The following HEXD variants were observed in gnomAD, a reference collection of about 807,000 sequenced individuals.
HEXD encodes the protein N-acetyl-beta-galactosaminidase.
Under a neutral mutation model 54.2 loss-of-function variants are expected in HEXD, and 47 were observed. The observed-to-expected ratio is 0.87, with a 90% confidence interval of 0.69 to 1.11. The LOEUF (loss-of-function observed/expected upper bound fraction) is 1.11, where lower values mean the gene tolerates loss of function less well. Ranked by LOEUF, HEXD falls within the 50% of genes least tolerant of loss-of-function variation. The probability of loss-of-function intolerance (pLI) is 0.00; values close to 1 mark genes in which losing one functional copy is unlikely to be tolerated. For synonymous variants in HEXD, 293 were observed against 287.6 expected (o/e 1.02, Z -0.19); for missense variants, 576 against 649.2 (o/e 0.89, Z 1.23).
intron 5 of HEXD, among the ~76,000 whole-genome samples, chr17:82,435,394 G>T (rs935738270): frequency 2.0e-5 from 3 of 152,236 alleles, no homozygotes; most frequent in South Asian, 2.1e-4. Flanking sequence ...CGTGTTCATG[G>T]TGGGGGATGC....
chr17:82,433,091 AATATATATATATAT>A (rs1555617646), intron 4 of HEXD, among the ~76,000 whole-genome samples: 1 of 13,234 alleles, frequency 7.6e-5, no homozygotes, highest in African/African-American at 6.0e-4. Context: ...AAAAAAAAAA[AATATATATATATAT>A]ATATATATAT....
chr17:82,442,428 G>T lies in HEXD; in HGVS notation c.*44G>T. On this transcript the variant is annotated 3_prime_UTR_variant, in exon 13 of 13. Coordinates refer to ENST00000327949, the MANE Select transcript of HEXD (RefSeq NM_001330542.2). The surrounding 1 kb of genome is among the most constrained non-coding windows in gnomAD (Gnocchi z 6.8). ...GGGGCTCCTGCTGGAGGCTGGGGGG[G>T]CTCTGCACTGCCAAATGGCCTGGGC... is the stretch of plus-strand genomic sequence containing the variant. The T allele has an allele frequency of 6.2e-7, 1 of 1,610,190 alleles. No homozygotes were observed. The highest frequency in any genetic ancestry group is 1.1e-5 in the South Asian group (1 of 91,042).
chr17:82,419,530 T>C (rs4074069), intron 1 of HEXD, among the ~76,000 whole-genome samples: 62,304 of 152,092 alleles, frequency 0.41, 14,730 homozygotes, highest in East Asian at 0.71. Flanking sequence ...ATAAACAAAC[T>C]AGTGCTGTTT....
In HEXD at chr17:82,442,300, A is replaced by C. The variant is rs775126794; in HGVS notation, c.1377A>C (p.Gln459His). 3.7e-6 allele frequency: 6 copies of C among 1,609,326 alleles called. No homozygotes were observed. In the East Asian group the frequency reaches 1.3e-4, roughly 36 times the overall value. The change falls in exon 13 of 13, where the codon CAA (glutamine) becomes CAC (histidine). Residue 459 changes from glutamine (Q) to histidine (H), a missense_variant. Physicochemically the swap from Gln to His is conservative, Grantham distance 24. Transcript: ENST00000327949. This position sits in a 1 kb window ranked among gnomAD's most constrained non-coding sequence, Gnocchi z 6.8. ...TGCACCCCAGCCTGCAGCGGCTGCA[A>C]GCTCTGCTGCAGGACCTCAGCGAGG... ...ENVHPSLQRL[Q>H]ALLQDLSEVS...
chr17:82,421,976 A>C (rs1310907520), intron 2 of HEXD, among the ~76,000 whole-genome samples: 1 of 152,130 alleles, frequency 6.6e-6, no homozygotes, highest in Non-Finnish European at 1.5e-5. Flanking sequence ...GGAGATGAAG[A>C]CCATCCTGGC....
intron 2 of HEXD, chr17:82,420,397 A>G (rs1448805439): frequency 2.0e-5 from 3 of 152,402 alleles, no homozygotes; most frequent in Non-Finnish European, 4.4e-5. Flanking sequence ...ATGACGTGCC[A>G]CGAACCCCAG....
At chr17:82,433,124 ATATATTTTT>A (rs2053651486) in intron 4 of HEXD, among the ~76,000 whole-genome samples, 1 of 16,042 alleles carries the variant, frequency 6.2e-5, no homozygotes, top group African/African-American at 5.2e-4. Context: ...ATATATATAT[ATATATTTTT>A]TTTTTTTTTT....
chr17:82,432,602 G>A (rs1271508737), intron 4 of HEXD, among the ~76,000 whole-genome samples: 1 of 151,888 alleles, frequency 6.6e-6, no homozygotes, highest in Non-Finnish European at 1.5e-5. Context: ...TCAGAGACAG[G>A]GTCTCACTCT....
Position 82,437,362 on chromosome 17 carries a change from AG to A in HEXD, c.899+1del, listed in dbSNP as rs760457411. 42 of 1,591,236 alleles carry A rather than the reference AG, an allele frequency of 2.6e-5. No homozygotes were observed. The highest frequency in any genetic ancestry group is 2.8e-5 in the Non-Finnish European group (33 of 1,167,574). On this transcript the variant is annotated frameshift_variant and splice_region_variant, in exon 8 of 13. Transcript: ENST00000327949. LOFTEE classifies it high-confidence loss of function. The stretch of plus-strand genomic sequence containing the variant: ...GGGCATCATCCTGACCGGCTGGCAG[AG>A]GTAAGTCCTGGCCAGTCTGTCCTCA... ...LQGIILTGWQRYDHYSVLCEL... is the reference protein window; with the variant it reads ...LQGIILTGWQXYDHYSVLCEL...
chr17:82,435,251 C>T (rs933817769), intron 5 of HEXD, among the ~76,000 whole-genome samples: 3 of 152,236 alleles, frequency 2.0e-5, no homozygotes, highest in East Asian at 1.9e-4. Context: ...CAGGCCCCGG[C>T]GACCACGGTC....
Position 82,436,700 on chromosome 17 carries a change from T to C in HEXD, c.665T>C (p.Leu222Pro). Residue 222 changes from leucine (L) to proline (P), a missense_variant, in exon 7 of 13, where the codon CTC becomes CCC. By Grantham distance (98) the Leu-to-Pro change is moderately conservative. Coordinates refer to ENST00000327949, the MANE Select transcript of HEXD (RefSeq NM_001330542.2). The stretch of plus-strand genomic sequence containing the variant: ...GTGCCGCAGCTGGTGGAGCCGGTGC[T>C]CTGGGACTACACGGCCGACCTGGAT... ...SGVPQLVEPVLWDYTADLDVH... is the reference protein window; with the variant it reads ...SGVPQLVEPVPWDYTADLDVH... 6.2e-7 allele frequency: 1 copy of C among 1,612,580 alleles called. No homozygotes were observed. Among genetic ancestry groups the C allele is most frequent in the Non-Finnish European group, 8.5e-7 (1 of 1,179,720 alleles).
intron 2 of HEXD, 49 bp downstream of exon 2, chr17:82,419,932 A>C (rs754585361): frequency 3.1e-6 from 4 of 1,285,458 alleles, no homozygotes; most frequent in South Asian, 2.5e-5. Context: ...CCTTGGCTTC[A>C]TTCTTTAAAG....
chr17:82,432,089 C>T (rs1296972256), intron 4 of HEXD, among the ~76,000 whole-genome samples: 2 of 152,112 alleles, frequency 1.3e-5, no homozygotes, highest in Admixed American at 6.6e-5. Flanking sequence ...TGGTGGTCAG[C>T]CAAGGGTTTG....
At chr17:82,439,944 C>G in intron 9 of HEXD, 1 of 1,507,640 alleles carries the variant, frequency 6.6e-7, no homozygotes. Flanking sequence ...GAGAGTGACG[C>G]GGGAGGCACC....
At chr17:82,433,091 A>AAAAAT (rs1555617647) in intron 4 of HEXD, among the ~76,000 whole-genome samples, 1 of 13,234 alleles carries the variant, frequency 7.6e-5, no homozygotes, top group Non-Finnish European at 1.0e-4. Context: ...AAAAAAAAAA[A>AAAAAT]ATATATATAT....
At chr17:82,439,401 C>A (rs552175489) in intron 8 of HEXD, 1 of 980,464 alleles carries the variant, frequency 1.0e-6, no homozygotes, top group East Asian at 1.1e-4. Flanking sequence ...AGCAAGGAAT[C>A]CCCACGCTCT....
chr17:82,432,259 G>A (rs892345132), intron 4 of HEXD, among the ~76,000 whole-genome samples: 1 of 152,146 alleles, frequency 6.6e-6, no homozygotes, highest in African/African-American at 2.4e-5. Context: ...CCAGGCCTGA[G>A]GAGAGTGTGC....
chr17:82,424,091 G>A lies in HEXD; in HGVS notation c.85-303G>A, dbSNP rs940834090. 6.0e-4 allele frequency among the ~76,000 whole-genome samples: 92 copies of A among 152,254 alleles called. 1 individual carries two copies. Among genetic ancestry groups the A allele is most frequent in the African/African-American group, 2.0e-3 (83 of 41,550 alleles). On this transcript the variant is annotated intron_variant, in intron 2 of 12. Transcript: ENST00000327949. Reference sequence around the variant, plus strand: ...CTTGCTGGGCCGCCGTGCATGAAGAGCTGCTTCTTGGTGGCTCCCTGCTGG... The same window carrying A: ...CTTGCTGGGCCGCCGTGCATGAAGAACTGCTTCTTGGTGGCTCCCTGCTGG...
chr17:82,439,789 A>G (rs540980303), intron 9 of HEXD, 76 bp downstream of exon 9: 2 of 1,596,928 alleles, frequency 1.3e-6, no homozygotes, highest in Non-Finnish European at 1.7e-6. Flanking sequence ...CCAAGCACCC[A>G]GTGCTCCAAC....
Sources: gnomAD v4.1 joint callset for allele counts (sites outside exome capture counted in the v4.1 genomes callset) on GRCh38, gnomAD v4.1.1 for gene constraint, Gnocchi (gnomAD v3.1) non-coding constraint, MANE v1.5 for transcripts, NCBI Gene and HGNC (gene_info 2026-07-23, HGNC 2026-07-21) for gene names.